The following NME7 variants were observed in gnomAD, a reference collection of about 807,000 sequenced individuals.
NME7 encodes the protein NME/NM23 family member 7.
NME7 carries 41 observed loss-of-function variants against 49.1 expected under a neutral mutation model. That is an observed-to-expected ratio of 0.83 (90% CI 0.65 to 1.08). NME7 has a LOEUF of 1.08. Among genes scored for constraint, NME7 ranks in the 50% least tolerant of loss-of-function variants. NME7 has a pLI of 0.00. For synonymous variants in NME7, 139 were observed against 150.6 expected (o/e 0.92, Z 0.56); for missense variants, 423 against 463.4 (o/e 0.91, Z 0.80).
intron 2 of NME7, 40 bp from the exon 3 acceptor site, chr1:169,323,323 A>G: frequency 7.0e-7 from 1 of 1,429,418 alleles, no homozygotes; most frequent in Non-Finnish European, 9.2e-7. Flanking sequence ...AAACAAAAAA[A>G]GTTATGAATA....
At chr1:169,322,341 C>G (rs1651878287) in intron 3 of NME7, 1 of 152,160 alleles carries the variant, frequency 6.6e-6, no homozygotes, top group South Asian at 2.1e-4. Context: ...GTCACAGTTT[C>G]TCTCACAGAA....
At chr1:169,150,849 T>C (rs576573002) in intron 11 of NME7, among the ~76,000 whole-genome samples, 1 of 150,780 alleles carries the variant, frequency 6.6e-6, no homozygotes, top group South Asian at 2.1e-4. Flanking sequence ...TGCAAGGCAA[T>C]ATAATTTGCT....
At position 169,260,045 on chromosome 1, in the gene NME7, C is replaced by T. The variant is rs1190577525; in HGVS notation, c.755-22358G>A. On this transcript the variant is annotated intron_variant, in intron 7 of 11. Coordinates refer to ENST00000367811, the MANE Select transcript of NME7 (RefSeq NM_013330.5). The stretch of plus-strand genomic sequence containing the variant: ...GATGAGTAACTCACTTCCTATTTTG[C>T]ACACATAGAAGTCACAGTACGTATG... 2.2e-5 allele frequency among the ~76,000 whole-genome samples: 3 copies of T among 133,374 alleles called. 1 individual carries two copies. Among genetic ancestry groups the T allele is most frequent in the Non-Finnish European group, 3.5e-5 (2 of 56,622 alleles). 87.5% of individuals were successfully genotyped at this position (133,374 alleles called of 152,430 possible). A position where few individuals can be genotyped will look rare whatever the true frequency, so the allele number is the denominator to read the frequency against.
chr1:169,236,154 G>T (rs1199407292), intron 8 of NME7, among the ~76,000 whole-genome samples: 2 of 152,008 alleles, frequency 1.3e-5, no homozygotes, highest in Non-Finnish European at 2.9e-5. Context: ...CATATGTTTT[G>T]CTAAATGCAA....
Position 169,367,763 on chromosome 1 carries a change from C to T in NME7, c.-53G>A, listed in dbSNP as rs1653942603. ...AGGTATCGTTGAGACAGGAAGACACCACCACCACCACCATCATACGGTTAC... is the reference window on the plus strand; with the variant it reads ...AGGTATCGTTGAGACAGGAAGACACTACCACCACCACCATCATACGGTTAC... On this transcript the variant is annotated 5_prime_UTR_variant, in exon 1 of 12. Coordinates refer to ENST00000367811, the MANE Select transcript of NME7 (RefSeq NM_013330.5). 3.1e-6 allele frequency: 5 copies of T among 1,609,712 alleles called. No homozygotes were observed. Among genetic ancestry groups the T allele is most frequent in the Non-Finnish European group, 3.4e-6 (4 of 1,176,338 alleles).
intron 9 of NME7, among the ~76,000 whole-genome samples, chr1:169,231,387 T>C (rs1364769675): frequency 6.6e-6 from 1 of 152,114 alleles, no homozygotes; most frequent in African/African-American, 2.4e-5. Context: ...CTAGAGGCAG[T>C]TTCCAGACCA....
intron 10 of NME7, among the ~76,000 whole-genome samples, chr1:169,189,689 C>G (rs540351867): frequency 2.6e-4 from 40 of 152,214 alleles, no homozygotes; most frequent in African/African-American, 9.4e-4. Context: ...ATAAAATTCT[C>G]TGCATATGAA....
chr1:169,186,654 TTTTC>T (rs1660075861), intron 10 of NME7, among the ~76,000 whole-genome samples: 2 of 152,094 alleles, frequency 1.3e-5, no homozygotes, highest in African/African-American at 4.8e-5. Flanking sequence ...AATCTTCTTT[TTTTC>T]TTTATTAGTC....
intron 11 of NME7, among the ~76,000 whole-genome samples, chr1:169,134,501 C>CTTA: frequency 6.6e-6 from 1 of 152,130 alleles, no homozygotes; most frequent in East Asian, 1.9e-4. Context: ...GAATGAAAAG[C>CTTA]ATTTAAATAC....
intron 10 of NME7, among the ~76,000 whole-genome samples, chr1:169,212,658 G>A (rs575503763): frequency 4.4e-4 from 63 of 144,756 alleles, no homozygotes; most frequent in Non-Finnish European, 7.4e-4. Flanking sequence ...CTGGAGTGTA[G>A]TGGTACTGTC....
intron 1 of NME7, among the ~76,000 whole-genome samples, chr1:169,342,513 A>ATAG (rs1442579147): frequency 9.0e-6 from 1 of 110,908 alleles, no homozygotes; most frequent in Admixed American, 1.1e-4. Flanking sequence ...GTACATATAT[A>ATAG]TATAGTATAT....
chr1:169,203,723 C>G lies in NME7; in HGVS notation c.990+26995G>C, dbSNP rs1660607258. ...CAGCAATGGTTTATATGGTTGATAT[C>G]AGCAGTGGAGCAAGTTTTTCAAAAT... On this transcript the variant is annotated intron_variant, in intron 10 of 11. Transcript: ENST00000367811. Among the ~76,000 whole-genome samples, 5 of 152,106 alleles carry G rather than the reference C, an allele frequency of 3.3e-5. No homozygotes were observed. In the South Asian group the frequency reaches 1.0e-3, roughly 31 times the overall value.
rs1014897549 is a variant in NME7 at position 169,177,379 on chromosome 1, A to G, written c.991-7825T>C. Among the ~76,000 whole-genome samples, 19 of 152,092 alleles carry G rather than the reference A, an allele frequency of 1.2e-4. 1 individual carries two copies. Among genetic ancestry groups the G allele is most frequent in the African/African-American group, 3.9e-4 (16 of 41,386 alleles). On this transcript the variant is annotated intron_variant, in intron 10 of 11. Transcript: ENST00000367811. The stretch of plus-strand genomic sequence containing the variant: ...TCTATCTGGTTTCCTAGATACCTCT[A>G]CTCCTAGTAAACATATTGTCCAAAA...
At chr1:169,177,378 T>C (rs1659782818) in intron 10 of NME7, among the ~76,000 whole-genome samples, 1 of 152,172 alleles carries the variant, frequency 6.6e-6, no homozygotes, top group Non-Finnish European at 1.5e-5. Flanking sequence ...TAGATACCTC[T>C]ACTCCTAGTA....
chr1:169,139,265 A>G (rs572813997), intron 11 of NME7, among the ~76,000 whole-genome samples: 1 of 152,356 alleles, frequency 6.6e-6, no homozygotes, highest in East Asian at 1.9e-4. Flanking sequence ...CTTGCTACAT[A>G]CCAAATGCTT....
intron 7 of NME7, among the ~76,000 whole-genome samples, chr1:169,238,913 T>C (rs1461966567): frequency 6.6e-6 from 1 of 152,046 alleles, no homozygotes; most frequent in Non-Finnish European, 1.5e-5. Context: ...TATATTTTCC[T>C]TGCTACGAAT....
At chr1:169,340,578 A>G (rs539987960) in intron 1 of NME7, among the ~76,000 whole-genome samples, 5 of 152,344 alleles carry the variant, frequency 3.3e-5, no homozygotes, top group Admixed American at 2.6e-4. Flanking sequence ...AAAGTTTGGA[A>G]GGCTCAGAAG....
chr1:169,269,961 G>T (rs1649440050), intron 7 of NME7, among the ~76,000 whole-genome samples: 2 of 132,668 alleles, frequency 1.5e-5, no homozygotes, highest in Non-Finnish European at 3.5e-5. Flanking sequence ...AATATAGACA[G>T]GGTCTTGCTA....
At chr1:169,253,047 T>C (rs1391605844) in intron 7 of NME7, among the ~76,000 whole-genome samples, 1 of 151,608 alleles carries the variant, frequency 6.6e-6, no homozygotes, top group Non-Finnish European at 1.5e-5. Flanking sequence ...CGATGCGGGC[T>C]CTTTTTTGGT....
Sources: allele counts gnomAD v4.1 joint callset (sites outside exome capture counted in the v4.1 genomes callset), GRCh38; gene constraint gnomAD v4.1.1; transcripts MANE v1.5; gene names NCBI Gene and HGNC (gene_info 2026-07-23, HGNC 2026-07-21).